CST1: variants seen among roughly 807,000 people sequenced by gnomAD.
CST1 encodes cystatin SN.
A neutral mutation model predicts 10.7 loss-of-function variants in CST1; 19 were observed. That is an observed-to-expected ratio of 1.78 (90% CI 1.24 to 2.61). The LOEUF (loss-of-function observed/expected upper bound fraction) is 2.61, where lower values mean the gene tolerates loss of function less well. Ranked by LOEUF, CST1 falls within the 30% of genes most tolerant of loss-of-function variation. CST1 has a pLI of 0.00. For synonymous variants in CST1, 95 were observed against 72.8 expected (o/e 1.31, Z -1.55); for missense variants, 247 against 178.1 (o/e 1.39, Z -2.20).
intron 1 of CST1, among the ~76,000 whole-genome samples, chr20:23,750,388 G>A (rs1982796451): frequency 6.6e-6 from 1 of 152,162 alleles, no homozygotes; most frequent in Admixed American, 6.5e-5. Context: ...ATCCACACCT[G>A]CTGGACCCTG....
rs199758963 is a variant in CST1 at position 23,750,822 on chromosome 20, T to C, written c.45A>G (p.Leu15=). Residue 15 remains leucine, a synonymous_variant, in exon 1 of 3, where the codon CTA becomes CTG. Transcript: ENST00000304749. The part of the protein sequence containing the change: ...LSTLLLLLAT[L]AVALAWSPKE... Reference sequence around the variant, plus strand: ...TGGGGCTCCAGGCCAGGGCCACAGCTAGGGTGGCCAGCAGGAGCAGCAGGG... The same window carrying C: ...TGGGGCTCCAGGCCAGGGCCACAGCCAGGGTGGCCAGCAGGAGCAGCAGGG... 1.4e-4 allele frequency: 229 copies of C among 1,613,876 alleles called. 1 individual carries two copies. In the South Asian group the frequency reaches 1.6e-3, roughly 12 times the overall value.
At chr20:23,749,969 T>A (rs1982784132) in intron 1 of CST1, among the ~76,000 whole-genome samples, 1 of 151,336 alleles carries the variant, frequency 6.6e-6, no homozygotes. Flanking sequence ...CTCTAAAGAC[T>A]GTGTCACTAT....
At position 23,747,836 on chromosome 20, in the gene CST1, A is replaced by T; in HGVS notation, c.406T>A (p.Ser136Thr). ...GATCCCTAGGATTCTTGACACCTGG[A>T]TTTCACCAGGGACCTTCTGTTCTCC... ...PWENRRSLVK[S>T]RCQES The change falls in exon 3 of 3, where the codon TCC (serine) becomes ACC (threonine). Residue 136 changes from serine to threonine, a missense_variant. Coordinates refer to ENST00000304749, the MANE Select transcript of CST1 (RefSeq NM_001898.3). 3 of 1,613,952 alleles carry T rather than the reference A, an allele frequency of 1.9e-6. No individual in the cohort carries two copies. The highest frequency in any genetic ancestry group is 2.5e-6 in the Non-Finnish European group (3 of 1,179,880).
intron 1 of CST1, among the ~76,000 whole-genome samples, chr20:23,749,396 A>G (rs959763446): frequency 3.3e-5 from 5 of 152,188 alleles, no homozygotes; most frequent in South Asian, 2.1e-4. Context: ...ACTCTTTTCT[A>G]GGAAGTCTGT....
chr20:23,748,012 C>T (rs1982713884), intron 2 of CST1, 113 bp from the exon 3 acceptor site: 1 of 977,690 alleles, frequency 1.0e-6, no homozygotes, highest in Admixed American at 2.0e-5. Flanking sequence ...GACACTGGGC[C>T]CTCACCCACC....
chr20:23,750,450 A>C (rs1982798042), intron 1 of CST1, among the ~76,000 whole-genome samples, 189 bp downstream of exon 1: 1 of 152,234 alleles, frequency 6.6e-6, no homozygotes, highest in African/African-American at 2.4e-5. Flanking sequence ...GGTTAAAGGA[A>C]GCTGAGTTTG....
chr20:23,748,212 C>T (rs947870611), intron 2 of CST1, among the ~76,000 whole-genome samples: 30 of 152,206 alleles, frequency 2.0e-4, no homozygotes, highest in African/African-American at 6.5e-4. Context: ...GGGGAGGCAG[C>T]TCAGTTCCCC....
Position 23,750,677 on chromosome 20 carries a change from A to C in CST1, c.190T>G (p.Tyr64Asp). ...CTTAGTACCCGCAGCGGACGTCTGT[A>C]GTAGTCATCTTTGGTGGCCTTGTTA... ...EYNKATKDDY[Y>D]RRPLRVLRAR... Residue 64 changes from tyrosine (Y) to aspartate (D), a missense_variant, in exon 1 of 3, where the codon TAC becomes GAC. Transcript: ENST00000304749. 1 of 1,614,038 alleles carries C rather than the reference A, an allele frequency of 6.2e-7. No individual in the cohort carries two copies. The highest frequency in any genetic ancestry group is 8.5e-7 in the Non-Finnish European group (1 of 1,180,008).
Position 23,747,725 on chromosome 20 carries a change from C to G in CST1, c.*91G>C. 1 of 1,307,220 alleles carries G rather than the reference C, an allele frequency of 7.6e-7. No individual in the cohort carries two copies. The highest frequency in any genetic ancestry group is 1.1e-6 in the Non-Finnish European group (1 of 925,180). 81.0% of individuals were successfully genotyped at this position (1,307,220 alleles called of 1,614,324 possible). On this transcript the variant is annotated 3_prime_UTR_variant, in exon 3 of 3. Transcript: ENST00000304749. The stretch of plus-strand genomic sequence containing the variant: ...TTGGCGCAGGCACATGGGGAGGCCT[C>G]CCGCAGGGTGGGGGCCACCAGTCCA...
intron 1 of CST1, 49 bp downstream of exon 1, chr20:23,750,590 A>T: frequency 1.3e-6 from 2 of 1,562,082 alleles, no homozygotes; most frequent in Non-Finnish European, 1.8e-6. Context: ...GGGGTTGGGG[A>T]ACAAACCAGG....
chr20:23,749,476 C>A (rs1400958195), intron 1 of CST1, among the ~76,000 whole-genome samples: 1 of 152,194 alleles, frequency 6.6e-6, no homozygotes, highest in African/African-American at 2.4e-5. Flanking sequence ...TATTACTTCA[C>A]TCAGAGTAGG....
chr20:23,748,102 G>A (rs1429588621), intron 2 of CST1, among the ~76,000 whole-genome samples: 1 of 152,104 alleles, frequency 6.6e-6, no homozygotes, highest in African/African-American at 2.4e-5. Flanking sequence ...GTCACCAGGT[G>A]GCATTGGGAC....
Position 23,747,876 on chromosome 20 carries a change from G to A in CST1, c.366C>T (p.Ile122=), listed in dbSNP as rs770146835. 2.5e-6 allele frequency: 4 copies of A among 1,613,944 alleles called. No individual in the cohort carries two copies. In the South Asian group the frequency reaches 3.3e-5, roughly 13 times the overall value. The change falls in exon 3 of 3, where the codon ATC becomes ATT. Residue 122 remains isoleucine (I), a synonymous_variant. Transcript: ENST00000304749. The stretch of plus-strand genomic sequence containing the variant: ...TTCTGTTCTCCCAGGGAACTTCGTA[G>A]ATCTCGAAAGAGCACAACTGTTTCT... ...LQKKQLCSFE[I]YEVPWENRRS...
chr20:23,749,875 G>T (rs184781304), intron 1 of CST1, among the ~76,000 whole-genome samples: 1 of 147,280 alleles, frequency 6.8e-6, no homozygotes, highest in Non-Finnish European at 1.5e-5. Flanking sequence ...CTCGTATGCA[G>T]GGAGAGAGCC....
intron 2 of CST1, 131 bp from the exon 3 acceptor site, chr20:23,748,030 A>T (rs1982715186): frequency 1.2e-6 from 1 of 844,948 alleles, no homozygotes; most frequent in African/African-American, 1.7e-5. Flanking sequence ...ACCCCTACTG[A>T]GTCCCAGAGT....
intron 2 of CST1, among the ~76,000 whole-genome samples, 175 bp from the exon 3 acceptor site, chr20:23,748,074 C>T (rs1982717275): frequency 6.6e-6 from 1 of 152,104 alleles, no homozygotes; most frequent in Admixed American, 6.5e-5. Context: ...TGTTCCATTG[C>T]CCCTCCCAAG....
rs1982816807 is a variant in CST1, at chr20:23,750,785, T to C, written c.82A>G (p.Arg28Gly). The C allele has an allele frequency of 6.2e-7, 1 of 1,614,146 alleles. No homozygotes were observed. The highest frequency in any genetic ancestry group is 8.5e-7 in the Non-Finnish European group (1 of 1,180,010). Residue 28 changes from arginine (R) to glycine (G), a missense_variant, in exon 1 of 3, where the codon AGG becomes GGG. By Grantham distance (125) the Arg-to-Gly change is moderately radical. Transcript: ENST00000304749. ...ALAWSPKEEDRIIPGGIYNAD... is the reference protein window; with the variant it reads ...ALAWSPKEEDGIIPGGIYNAD... Reference sequence around the variant, plus strand: ...TTATAGATGCCACCCGGGATTATCCTATCCTCCTCCTTGGGGCTCCAGGCC... The same window carrying C: ...TTATAGATGCCACCCGGGATTATCCCATCCTCCTCCTTGGGGCTCCAGGCC...
At chr20:23,748,921 C>A in intron 2 of CST1, 95 bp downstream of exon 2, 1 of 1,248,088 alleles carries the variant, frequency 8.0e-7, no homozygotes, top group Non-Finnish European at 1.2e-6. Context: ...CCCACCTGCA[C>A]ACACACACCC....
In CST1 at chr20:23,749,072, T is replaced by C. The variant is rs750079881; in HGVS notation, c.286A>G (p.Lys96Glu). 1.2e-6 allele frequency: 2 copies of C among 1,614,000 alleles called. No individual in the cohort carries two copies. The highest frequency in any genetic ancestry group is 1.7e-5 in the Admixed American group (1 of 59,998). Residue 96 changes from lysine (K) to glutamate (E), a missense_variant, in exon 2 of 3, where the codon AAG (lysine) becomes GAG (glutamate). Lys to Glu is a moderately conservative substitution (Grantham distance 56). Coordinates refer to ENST00000304749, the MANE Select transcript of CST1 (RefSeq NM_001898.3). Reference protein sequence around the residue: ...DVEVGRTICTKSQPNLDTCAF... With the variant: ...DVEVGRTICTESQPNLDTCAF... ...CAGGTGTCCAAGTTGGGCTGGGACT[T>C]GGTACATATGGTGCGGCCCACCTCT...
Sources: allele counts gnomAD v4.1 joint callset (sites outside exome capture counted in the v4.1 genomes callset), GRCh38; gene constraint gnomAD v4.1.1; transcripts MANE v1.5; gene names NCBI Gene and HGNC (gene_info 2026-07-23, HGNC 2026-07-21).